The following ZEB1 variants were observed in gnomAD, a reference collection of about 807,000 sequenced individuals.
ZEB1 encodes the protein zinc finger E-box-binding homeobox 1.
Under a neutral mutation model 84.9 loss-of-function variants are expected in ZEB1, and 21 were observed. The ratio of observed to expected loss-of-function variants is 0.25; its 90% CI spans 0.18 to 0.36. The LOEUF (loss-of-function observed/expected upper bound fraction) is 0.36, where lower values mean the gene tolerates loss of function less well. Among genes scored for constraint, ZEB1 ranks in the 10% least tolerant of loss-of-function variants. The pLI, the probability that ZEB1 is intolerant of heterozygous loss-of-function variation, is 1.00. For synonymous variants in ZEB1, 420 were observed against 471.1 expected, an observed-to-expected ratio of 0.89 and a Z score of 1.41; for missense variants, 1,104 against 1,330.2, an observed-to-expected ratio of 0.83 and a Z score of 2.65.
chr10:31,420,499 T>C (rs1591076206), intron 1 of ZEB1, among the ~76,000 whole-genome samples: 1 of 152,010 alleles, frequency 6.6e-6, no homozygotes, highest in African/African-American at 2.4e-5. Flanking sequence ...ATAGAGAGAG[T>C]TTACTGCTTT....
intron 1 of ZEB1, among the ~76,000 whole-genome samples, chr10:31,329,676 T>G (rs1361665672): frequency 2.0e-5 from 3 of 152,128 alleles, no homozygotes; most frequent in Non-Finnish European, 2.9e-5. Context: ...CCACCAGCCA[T>G]GTATGAGAGT....
intron 2 of ZEB1, among the ~76,000 whole-genome samples, chr10:31,489,481 T>G (rs2066207059): frequency 6.6e-6 from 1 of 151,390 alleles, no homozygotes; most frequent in Non-Finnish European, 1.5e-5. Context: ...ATAAAATGTT[T>G]TATGTTTGGA....
chr10:31,332,880 G>T (rs987686018), intron 1 of ZEB1, among the ~76,000 whole-genome samples: 1 of 151,952 alleles, frequency 6.6e-6, no homozygotes, highest in Non-Finnish European at 1.5e-5. Flanking sequence ...ATTATATAGC[G>T]TATTTTTTAA....
intron 1 of ZEB1, among the ~76,000 whole-genome samples, chr10:31,377,353 C>T (rs1229662726): frequency 6.6e-6 from 1 of 151,622 alleles, no homozygotes; most frequent in Non-Finnish European, 1.5e-5. Flanking sequence ...GACTGCTCTG[C>T]CACTAGTTCC....
At chr10:31,443,287 A>T (rs564091789) in intron 1 of ZEB1, among the ~76,000 whole-genome samples, 1 of 151,242 alleles carries the variant, frequency 6.6e-6, no homozygotes, top group African/African-American at 2.4e-5. Context: ...TGTTGCACAT[A>T]TTTTTCACAA....
chr10:31,422,588 A>G lies in ZEB1; in HGVS notation c.59-38449A>G, dbSNP rs187749758. Among the ~76,000 whole-genome samples the G allele has an allele frequency of 2.0e-5, 3 of 152,266 alleles. No homozygotes were observed. The East Asian group carries it at 5.8e-4, about 29-fold the overall frequency. On this transcript the variant is annotated intron_variant, in intron 1 of 8. Coordinates refer to ENST00000424869, the MANE Select transcript of ZEB1 (RefSeq NM_001174096.2). ...AAAGATGGTGCAGTAGCATCATTAG[A>G]TGCATGGCCTTGGAAGAACATAGCT...
chr10:31,336,120 G>C (rs976005386), intron 1 of ZEB1, among the ~76,000 whole-genome samples: 2 of 152,100 alleles, frequency 1.3e-5, no homozygotes, highest in African/African-American at 2.4e-5. Flanking sequence ...ACATTGTAAT[G>C]GTGCCATTTC....
chr10:31,360,429 T>G (rs915607463), intron 1 of ZEB1, among the ~76,000 whole-genome samples: 6 of 152,246 alleles, frequency 3.9e-5, no homozygotes, highest in African/African-American at 1.4e-4. Context: ...CTAGTTCCTT[T>G]CCTTATACTT....
At chr10:31,524,208 T>C in intron 8 of ZEB1, 95 bp downstream of exon 8, 1 of 1,389,450 alleles carries the variant, frequency 7.2e-7, no homozygotes, top group Non-Finnish European at 9.9e-7. Context: ...CTTTCTTTTT[T>C]TTTTTTTTTA....
chr10:31,458,441 TG>T (rs2061488550), intron 1 of ZEB1, among the ~76,000 whole-genome samples: 1 of 151,772 alleles, frequency 6.6e-6, no homozygotes, highest in African/African-American at 2.4e-5. Context: ...TAGTCAGCTG[TG>T]AAACAGCCTT....
rs886042164 is a variant in ZEB1 at position 31,526,727 on chromosome 10, TTTGA to T, written c.2846_2849del (p.Ile949AsnfsTer31). The T allele has an allele frequency of 6.2e-7, 1 of 1,614,092 alleles. No homozygotes were observed. The highest frequency in any genetic ancestry group is 8.5e-7 in the Non-Finnish European group (1 of 1,180,002). On this transcript the variant is annotated frameshift_variant, in exon 9 of 9. Coordinates refer to ENST00000424869, the MANE Select transcript of ZEB1 (RefSeq NM_001174096.2). LOFTEE classifies it low-confidence loss of function (END_TRUNC). ...AAAAGGCATTTAAACACAAACATCA[TTTGA>T]TTGAACACATGCGATTACATTCTGG...
intron 5 of ZEB1, among the ~76,000 whole-genome samples, chr10:31,511,244 TACTAA>T (rs2069944048): frequency 1.3e-5 from 2 of 152,222 alleles, no homozygotes; most frequent in Non-Finnish European, 2.9e-5. Flanking sequence ...AACCACATTA[TACTAA>T]CCAAATTGAC....
intron 2 of ZEB1, among the ~76,000 whole-genome samples, chr10:31,476,471 AAACCTTCC>A (rs1237318541): frequency 6.6e-6 from 1 of 152,006 alleles, no homozygotes; most frequent in Non-Finnish European, 1.5e-5. Context: ...TAGTAAAAAA[AAACCTTCC>A]AACAACAAAA....
At chr10:31,477,220 G>A (rs1408148609) in intron 2 of ZEB1, among the ~76,000 whole-genome samples, 1 of 151,988 alleles carries the variant, frequency 6.6e-6, no homozygotes, top group Non-Finnish European at 1.5e-5. Flanking sequence ...TAGAATGAAT[G>A]TACATAAACC....
intron 2 of ZEB1, among the ~76,000 whole-genome samples, chr10:31,480,569 T>C (rs1231926690): frequency 6.6e-6 from 1 of 152,114 alleles, no homozygotes; most frequent in Non-Finnish European, 1.5e-5. Context: ...AGTGTTGTTT[T>C]ATTTTTTAGC....
intron 1 of ZEB1, among the ~76,000 whole-genome samples, chr10:31,325,455 A>G (rs2035256526): frequency 6.6e-6 from 1 of 152,068 alleles, no homozygotes; most frequent in South Asian, 2.1e-4. Flanking sequence ...TTATCTGTCC[A>G]TATGCACATT....
At chr10:31,354,740 T>C (rs2041857975) in intron 1 of ZEB1, among the ~76,000 whole-genome samples, 1 of 152,222 alleles carries the variant, frequency 6.6e-6, no homozygotes, top group African/African-American at 2.4e-5. Context: ...CTCAGAATTA[T>C]CACTTGTGAA....
At chr10:31,349,176 C>T (rs563082183) in intron 1 of ZEB1, among the ~76,000 whole-genome samples, 2 of 152,288 alleles carry the variant, frequency 1.3e-5, no homozygotes, top group Non-Finnish European at 2.9e-5. Flanking sequence ...TGGCATTTCT[C>T]TTTCTGTGCC....
chr10:31,480,935 T>C (rs1310707764), intron 2 of ZEB1, among the ~76,000 whole-genome samples: 2 of 152,098 alleles, frequency 1.3e-5, no homozygotes, highest in Admixed American at 1.3e-4. Flanking sequence ...TTTAAATTAT[T>C]TATTTTTTGA....
Sources: gnomAD v4.1 joint callset for allele counts (sites outside exome capture counted in the v4.1 genomes callset) on GRCh38, gnomAD v4.1.1 for gene constraint, MANE v1.5 for transcripts, NCBI Gene and HGNC (gene_info 2026-07-23, HGNC 2026-07-21) for gene names.